Variants in FAM107B observed in about 807,000 individuals in gnomAD.
The protein encoded by FAM107B is family with sequence similarity 107 member B.
In FAM107B, 21 loss-of-function variants were observed where a neutral mutation model predicts 31.5. The observed-to-expected ratio is 0.67, with a 90% CI of 0.47 to 0.96. The LOEUF is 0.96. FAM107B is among the 40% of genes least tolerant of loss of function. FAM107B has a pLI of 0.00. For missense variants in FAM107B, 452 were observed against 377.1 expected (o/e 1.20, Z -1.64); for synonymous variants, 157 against 141.5 (o/e 1.11, Z -0.78).
At chr10:14,633,471 G>A (rs2131421808) in intron 2 of FAM107B, among the ~76,000 whole-genome samples, 1 of 152,206 alleles carries the variant, frequency 6.6e-6, no homozygotes, top group South Asian at 2.1e-4. Flanking sequence ...TAGTACTTTG[G>A]ATAAGCAGTA....
chr10:14,635,479 G>T (rs1195127883), intron 2 of FAM107B, among the ~76,000 whole-genome samples: 1 of 152,074 alleles, frequency 6.6e-6, no homozygotes, highest in African/African-American at 2.4e-5. Context: ...CGTGTGGTTG[G>T]GATATGGCAG....
At chr10:14,534,494 G>C (rs1438397544) in intron 2 of FAM107B, among the ~76,000 whole-genome samples, 2 of 152,148 alleles carry the variant, frequency 1.3e-5, no homozygotes, top group Non-Finnish European at 2.9e-5. Flanking sequence ...TCTGGTATAA[G>C]GCAACTCTTG....
At chr10:14,623,907 G>A (rs17155593) in intron 2 of FAM107B, among the ~76,000 whole-genome samples, 15,499 of 152,108 alleles carry the variant, frequency 0.1, 994 homozygotes, top group South Asian at 0.19. Context: ...TTTTTCTGTC[G>A]CTCAATGAGA....
At chr10:14,648,697 A>G (rs1588681680) in intron 2 of FAM107B, among the ~76,000 whole-genome samples, 1 of 152,204 alleles carries the variant, frequency 6.6e-6, no homozygotes, top group East Asian at 1.9e-4. Context: ...CACAACCCAC[A>G]TGTAATTTTA....
At chr10:14,684,399 C>T (rs953580990) in intron 1 of FAM107B, among the ~76,000 whole-genome samples, 1 of 152,098 alleles carries the variant, frequency 6.6e-6, no homozygotes, top group Non-Finnish European at 1.5e-5. Flanking sequence ...TTGCAGTGAG[C>T]CAAGATCATG....
intron 1 of FAM107B, among the ~76,000 whole-genome samples, chr10:14,707,081 G>A (rs757552914): frequency 6.6e-5 from 10 of 152,106 alleles, no homozygotes; most frequent in East Asian, 5.8e-4. Flanking sequence ...AGCCGAGATC[G>A]TGCCACTGTA....
intron 1 of FAM107B, among the ~76,000 whole-genome samples, chr10:14,752,302 T>C (rs1832845031): frequency 1.3e-5 from 2 of 152,182 alleles, no homozygotes; most frequent in African/African-American, 4.8e-5. Context: ...TGCAGTGTGA[T>C]CATCTCTGAG....
At chr10:14,546,237 C>T (rs1237653504) in intron 2 of FAM107B, among the ~76,000 whole-genome samples, 1 of 152,164 alleles carries the variant, frequency 6.6e-6, no homozygotes, top group African/African-American at 2.4e-5. Flanking sequence ...CATTCTGGAC[C>T]ACACAGTGGC....
intron 1 of FAM107B, among the ~76,000 whole-genome samples, chr10:14,768,482 A>T (rs1833231269): frequency 6.6e-6 from 1 of 152,152 alleles, no homozygotes; most frequent in South Asian, 2.1e-4. Flanking sequence ...TCAGAAACAA[A>T]CCCTCACATA....
intron 2 of FAM107B, among the ~76,000 whole-genome samples, chr10:14,549,953 C>T (rs1849102575): frequency 6.6e-6 from 1 of 152,182 alleles, no homozygotes; most frequent in African/African-American, 2.4e-5. Context: ...GGTAAATACC[C>T]AGACATCGGG....
chr10:14,625,220 T>C (rs1157117065), intron 2 of FAM107B, among the ~76,000 whole-genome samples: 1 of 141,884 alleles, frequency 7.0e-6, no homozygotes, highest in African/African-American at 2.6e-5. Flanking sequence ...AGTAAGACTG[T>C]CTCAGAAAAA....
intron 1 of FAM107B, among the ~76,000 whole-genome samples, chr10:14,732,467 T>G (rs1856196273): frequency 6.6e-6 from 1 of 152,218 alleles, no homozygotes; most frequent in Non-Finnish European, 1.5e-5. Context: ...GTAAGTGGCC[T>G]TATCTTCAAA....
At chr10:14,682,062 A>G (rs976840932) in intron 1 of FAM107B, among the ~76,000 whole-genome samples, 1 of 152,208 alleles carries the variant, frequency 6.6e-6, no homozygotes, top group African/African-American at 2.4e-5. Context: ...TACTGCTAGA[A>G]CATAGGTATG....
At chr10:14,553,231 T>C in intron 2 of FAM107B, 1 of 496,022 alleles carries the variant, frequency 2.0e-6, no homozygotes, top group Non-Finnish European at 3.0e-6. Flanking sequence ...ACTTCAATAA[T>C]TATATCTGTT....
chr10:14,603,363 T>C (rs1852467448), intron 2 of FAM107B, among the ~76,000 whole-genome samples: 1 of 152,172 alleles, frequency 6.6e-6, no homozygotes, highest in Admixed American at 6.5e-5. Flanking sequence ...ACAGCCCTCA[T>C]TCCGTTTTTC....
intron 2 of FAM107B, among the ~76,000 whole-genome samples, chr10:14,579,908 G>T (rs1212302243): frequency 6.6e-6 from 1 of 151,900 alleles, no homozygotes; most frequent in East Asian, 1.9e-4. Context: ...TGCAGTCCCA[G>T]ATACTTGGGA....
At chr10:14,753,223 AG>A (rs1397003306) in intron 1 of FAM107B, among the ~76,000 whole-genome samples, 3 of 152,208 alleles carry the variant, frequency 2.0e-5, no homozygotes, top group Non-Finnish European at 4.4e-5. Context: ...CTGCACACAA[AG>A]GTATACACTC....
intron 2 of FAM107B, among the ~76,000 whole-genome samples, chr10:14,643,109 G>GTAGGTAGGTAGA (rs55638107): frequency 0.47 from 70,890 of 151,364 alleles, 16,836 homozygotes; most frequent in East Asian, 0.59. Context: ...AGATAGGTAG[G>GTAGGTAGGTAGA]TAGGTAGGTA....
intron 1 of FAM107B, 76 bp downstream of exon 1, chr10:14,774,177 T>C: frequency 6.6e-7 from 1 of 1,524,504 alleles, no homozygotes; most frequent in African/African-American, 1.4e-5. Context: ...GTTTGTTTGC[T>C]GAAACATTCG....
Sources: allele counts gnomAD v4.1 joint callset (sites outside exome capture counted in the v4.1 genomes callset), GRCh38; gene constraint gnomAD v4.1.1; transcripts MANE v1.5; gene names NCBI Gene and HGNC (gene_info 2026-07-23, HGNC 2026-07-21).